PDP2: variants seen among roughly 807,000 people sequenced by gnomAD.
PDP2 encodes [Pyruvate dehydrogenase [acetyl-transferring]]-phosphatase 2, mitochondrial.
In PDP2, 23 loss-of-function variants were observed where a neutral mutation model predicts 34.2. The observed-to-expected ratio is 0.67, with a 90% confidence interval of 0.48 to 0.95. The LOEUF is 0.95. Among genes scored for constraint, PDP2 ranks in the 40% least tolerant of loss-of-function variants. PDP2 has a pLI of 0.00. For missense variants in PDP2, 571 were observed against 659.6 expected (o/e 0.87, Z 1.47); for synonymous variants, 275 against 269.2 (o/e 1.02, Z -0.21).
Position 66,885,973 on chromosome 16 carries a change from GGCAGATTTAATTT to G in PDP2, c.*102_*114del, listed in dbSNP as rs1418957237. Reference sequence around the variant, plus strand: ...TCCAAACCTTACTATTAAAAGCGCAGGCAGATTTAATTTGCTAAATAGACTAACAGGAGGAAAA... The same window carrying G: ...TCCAAACCTTACTATTAAAAGCGCAGGCTAAATAGACTAACAGGAGGAAAA... On this transcript the variant is annotated 3_prime_UTR_variant, in exon 2 of 2. Transcript: ENST00000311765. This position sits in a 1 kb window ranked among gnomAD's most constrained non-coding sequence, Gnocchi z 4.6. 1 of 1,268,590 alleles carries G rather than the reference GGCAGATTTAATTT, an allele frequency of 7.9e-7. No individual in the cohort carries two copies. The highest frequency in any genetic ancestry group is 1.5e-5 in the African/African-American group (1 of 66,868). 78.6% of individuals were successfully genotyped at this position (1,268,590 alleles called of 1,614,324 possible).
At position 66,890,594 on chromosome 16, in the gene PDP2, T is replaced by C. The variant is rs965869784; in HGVS notation, c.*4720T>C. On this transcript the variant is annotated 3_prime_UTR_variant, in exon 2 of 2. Coordinates refer to ENST00000311765, the MANE Select transcript of PDP2 (RefSeq NM_020786.4). ...TTAATTATACAGAACAAAACAAAGATGTGTTTAGAGTGACTCTGGCCTGAC... is the reference window on the plus strand; with the variant it reads ...TTAATTATACAGAACAAAACAAAGACGTGTTTAGAGTGACTCTGGCCTGAC... 1 of 152,192 alleles carries C rather than the reference T, an allele frequency of 6.6e-6. No homozygotes were observed. The highest frequency in any genetic ancestry group is 1.5e-5 in the Non-Finnish European group (1 of 68,038). The allele number at this position is 152,192 out of a possible 1,614,324, so 9.4% of individuals were successfully genotyped here. A position where few individuals can be genotyped will look rare whatever the true frequency, so the allele number is the denominator to read the frequency against.
In PDP2 at chr16:66,890,695, C is replaced by T. The variant is rs1297397188; in HGVS notation, c.*4821C>T. The T allele has an allele frequency of 6.6e-6, 1 of 152,242 alleles. No individual in the cohort carries two copies. The highest frequency in any genetic ancestry group is 2.4e-5 in the African/African-American group (1 of 41,466). 9.4% of individuals were successfully genotyped at this position (152,242 alleles called of 1,614,324 possible). A position where few individuals can be genotyped will look rare whatever the true frequency, so the allele number is the denominator to read the frequency against. On this transcript the variant is annotated 3_prime_UTR_variant, in exon 2 of 2. Coordinates refer to ENST00000311765, the MANE Select transcript of PDP2 (RefSeq NM_020786.4). ...ACTTCCCAGGTTAAACTAGAATATT[C>T]TGGAACTGAGCTGTCCAAATTTCAT...
rs199876227 is a variant in PDP2 at position 66,885,169 on chromosome 16, G to C, written c.885G>C (p.Glu295Asp). The stretch of plus-strand genomic sequence containing the variant: ...GCCGAGCCATCCTTGGTGTCCAAGA[G>C]GACAATGGCATGTGGTCTTGTCTGC... ...GDCRAILGVQ[E>D]DNGMWSCLPL... is the part of the protein sequence containing the mutation. The change falls in exon 2 of 2, where the codon GAG becomes GAC. Residue 295 changes from glutamate to aspartate, a missense_variant. By Grantham distance (45) the Glu-to-Asp change is conservative. This residue lies in a region of PDP2 where 281 missense variants were observed against 375.8 expected (regional missense o/e 0.75). Coordinates refer to ENST00000311765, the MANE Select transcript of PDP2 (RefSeq NM_020786.4). This position sits in a 1 kb window ranked among gnomAD's most constrained non-coding sequence, Gnocchi z 4.6. The C allele has an allele frequency of 1.7e-4, 272 of 1,614,000 alleles. No homozygotes were observed. The highest frequency in any genetic ancestry group is 1.7e-6 in the Non-Finnish European group (2 of 1,180,040).
In PDP2 at chr16:66,886,352, A is replaced by C. The variant is rs1961764524; in HGVS notation, c.*478A>C. 2 of 246,236 alleles carry C rather than the reference A, an allele frequency of 8.1e-6. No individual in the cohort carries two copies. Among genetic ancestry groups the C allele is most frequent in the Non-Finnish European group, 1.8e-5 (2 of 109,022 alleles). 15.3% of individuals were successfully genotyped at this position (246,236 alleles called of 1,614,324 possible). A position where few individuals can be genotyped will look rare whatever the true frequency, so the allele number is the denominator to read the frequency against. ...TGTTTGTCTTTTATTTAAATTACTA[A>C]GGTCTAGGTTTACAAAGCATACTAC... is the stretch of plus-strand genomic sequence containing the variant. On this transcript the variant is annotated 3_prime_UTR_variant, in exon 2 of 2. Coordinates refer to ENST00000311765, the MANE Select transcript of PDP2 (RefSeq NM_020786.4).
At position 66,885,332 on chromosome 16, in the gene PDP2, G is replaced by C. The variant is rs749459100; in HGVS notation, c.1048G>C (p.Asp350His). The change falls in exon 2 of 2, where the codon GAT (aspartate) becomes CAT (histidine). Residue 350 changes from aspartate to histidine, a missense_variant. Around this residue, in one of 2 missense-constraint regions of PDP2, gnomAD observed 281 missense variants for 375.8 expected, o/e 0.75. Coordinates refer to ENST00000311765, the MANE Select transcript of PDP2 (RefSeq NM_020786.4). This position sits in a 1 kb window ranked among gnomAD's most constrained non-coding sequence, Gnocchi z 4.6. ...CCTCATCCCCTGCAGGGCCTTTGGG[G>C]ATGTTCAGCTGAAGTGGAGTAAAGA... The part of the protein sequence containing the change: ...GVLIPCRAFG[D>H]VQLKWSKELQ... 14 of 1,614,142 alleles carry C rather than the reference G, an allele frequency of 8.7e-6. No individual in the cohort carries two copies. The South Asian group carries it at 1.5e-4, about 18-fold the overall frequency.
Position 66,885,953 on chromosome 16 carries a change from A to G in PDP2, c.*79A>G. ...ACTTACTCCTAAACTAGCTATCCAA[A>G]CCTTACTATTAAAAGCGCAGGCAGA... On this transcript the variant is annotated 3_prime_UTR_variant, in exon 2 of 2. Transcript: ENST00000311765. The surrounding 1 kb of genome is among the most constrained non-coding windows in gnomAD (Gnocchi z 4.6). The G allele has an allele frequency of 7.2e-7, 1 of 1,394,550 alleles. No homozygotes were observed. The highest frequency in any genetic ancestry group is 9.8e-7 in the Non-Finnish European group (1 of 1,021,462). The allele number at this position is 1,394,550 out of a possible 1,614,324, so 86.4% of individuals were successfully genotyped here.
Position 66,884,599 on chromosome 16 carries a change from A to AAACCGCT in PDP2, c.315_316insAACCGCT (p.Val106AsnfsTer7). 1.9e-6 allele frequency: 3 copies of AAACCGCT among 1,614,220 alleles called. No homozygotes were observed. Among genetic ancestry groups the AAACCGCT allele is most frequent in the Non-Finnish European group, 2.5e-6 (3 of 1,180,036 alleles). On this transcript the variant is annotated frameshift_variant, in exon 2 of 2. Coordinates refer to ENST00000311765, the MANE Select transcript of PDP2 (RefSeq NM_020786.4). LOFTEE classifies it high-confidence loss of function. ...ACCTTGAAAGCAGAGTCCCAAATTCAGTGTTGCGGTTTGAGAGCAACCAGC... is the reference window on the plus strand; with the variant it reads ...ACCTTGAAAGCAGAGTCCCAAATTCAAACCGCTGTGTTGCGGTTTGAGAGCAACCAGC...
rs891275359 is a variant in PDP2 at position 66,880,540 on chromosome 16, G to A, written c.-155G>A. The A allele has an allele frequency of 6.5e-6, 1 of 152,734 alleles. No individual in the cohort carries two copies. The highest frequency in any genetic ancestry group is 2.4e-5 in the African/African-American group (1 of 41,472). 9.5% of individuals were successfully genotyped at this position (152,734 alleles called of 1,614,324 possible). ...CTTCTGGAGCTGGGTCCTGACTAGGGACCGCCTGGGTGAGGTGAGGACCTG... is the reference window on the plus strand; with the variant it reads ...CTTCTGGAGCTGGGTCCTGACTAGGAACCGCCTGGGTGAGGTGAGGACCTG... On this transcript the variant is annotated 5_prime_UTR_variant, in exon 1 of 2. Coordinates refer to ENST00000311765, the MANE Select transcript of PDP2 (RefSeq NM_020786.4).
chr16:66,881,428 TTTTAATTTAATTTAA>T (rs57764227), intron 1 of PDP2, among the ~76,000 whole-genome samples: 10 of 119,190 alleles, frequency 8.4e-5, no homozygotes, highest in South Asian at 2.8e-4. Flanking sequence ...GTTTTTTTTT[TTTTAATTTAATTTAA>T]TTTAATTTAA....
At position 66,885,626 on chromosome 16, in the gene PDP2, T is replaced by A. The variant is rs779923940; in HGVS notation, c.1342T>A (p.Leu448Met). 1.2e-6 allele frequency: 2 copies of A among 1,613,918 alleles called. No individual in the cohort carries two copies. The highest frequency in any genetic ancestry group is 1.3e-5 in the African/African-American group (1 of 74,918). ...AGACCTGGCCCAGAGACCCGCCAAC[T>A]TGGGGCTCATGCAGAGCCTGCTGCT... ...KTDLAQRPAN[L>M]GLMQSLLLQR... is the part of the protein sequence containing the mutation. The change falls in exon 2 of 2, where the codon TTG (leucine) becomes ATG (methionine). Residue 448 changes from leucine to methionine, a missense_variant. Coordinates refer to ENST00000311765, the MANE Select transcript of PDP2 (RefSeq NM_020786.4). The surrounding 1 kb of genome is among the most constrained non-coding windows in gnomAD (Gnocchi z 4.6).
rs988190697 is a variant in PDP2, at chr16:66,888,542, C to T, written c.*2668C>T. 3 of 152,294 alleles carry T rather than the reference C, an allele frequency of 2.0e-5. No homozygotes were observed. The highest frequency in any genetic ancestry group is 4.8e-5 in the African/African-American group (2 of 41,550). The allele number at this position is 152,294 out of a possible 1,614,324, so 9.4% of individuals were successfully genotyped here. A position where few individuals can be genotyped will look rare whatever the true frequency, so the allele number is the denominator to read the frequency against. ...GGCATCATTATAACTCACTGTCAAA[C>T]TCCTGGACTCCAATGTTCCCTCCCC... On this transcript the variant is annotated 3_prime_UTR_variant, in exon 2 of 2. Transcript: ENST00000311765.
chr16:66,885,430 C>A lies in PDP2; in HGVS notation c.1146C>A (p.His382Gln), dbSNP rs1961715481. 6.2e-7 allele frequency: 1 copy of A among 1,613,736 alleles called. No homozygotes were observed. The highest frequency in any genetic ancestry group is 1.3e-5 in the African/African-American group (1 of 74,914). Residue 382 changes from histidine (H) to glutamine (Q), a missense_variant, in exon 2 of 2, where the codon CAC (histidine) becomes CAA (glutamine). Around this residue, in one of 2 missense-constraint regions of PDP2, gnomAD observed 281 missense variants for 375.8 expected, o/e 0.75. Transcript: ENST00000311765. This position sits in a 1 kb window ranked among gnomAD's most constrained non-coding sequence, Gnocchi z 4.6. ...ALNIYQFTPP[H>Q]YYTPPYLTAE... ...ACATTTACCAGTTCACACCCCCACA[C>A]TACTACACTCCACCCTACCTGACTG...
rs1961962492 is a variant in PDP2 at position 66,890,612 on chromosome 16, G to T, written c.*4738G>T. 1 of 152,174 alleles carries T rather than the reference G, an allele frequency of 6.6e-6. No individual in the cohort carries two copies. Among genetic ancestry groups the T allele is most frequent in the Non-Finnish European group, 1.5e-5 (1 of 68,042 alleles). The allele number at this position is 152,174 out of a possible 1,614,324, so 9.4% of individuals were successfully genotyped here. On this transcript the variant is annotated 3_prime_UTR_variant, in exon 2 of 2. Coordinates refer to ENST00000311765, the MANE Select transcript of PDP2 (RefSeq NM_020786.4). ...ACAAAGATGTGTTTAGAGTGACTCT[G>T]GCCTGACTCTTGTCCATCAGCCCCT...
Position 66,884,799 on chromosome 16 carries a change from A to T in PDP2, c.515A>T (p.His172Leu). Residue 172 changes from histidine (H) to leucine (L), a missense_variant, in exon 2 of 2, where the codon CAC (histidine) becomes CTC (leucine). This residue lies in a region of PDP2 where 290 missense variants were observed against 283.8 expected (regional missense o/e 1.02). Coordinates refer to ENST00000311765, the MANE Select transcript of PDP2 (RefSeq NM_020786.4). ...VSLMSHQTLEHMEGAMESMKP... is the reference protein window; with the variant it reads ...VSLMSHQTLELMEGAMESMKP... ...CTGATGTCCCACCAGACCCTGGAGC[A>T]CATGGAGGGAGCTATGGAAAGCATG... The T allele has an allele frequency of 6.2e-7, 1 of 1,614,154 alleles. No homozygotes were observed.
rs146799161 is a variant in PDP2, at chr16:66,885,658, G to A, written c.1374G>A (p.Arg458=). The A allele has an allele frequency of 3.7e-6, 6 of 1,613,930 alleles. No individual in the cohort carries two copies. The African/African-American group carries it at 4.0e-5, about 11-fold the overall frequency. Reference sequence around the variant, plus strand: ...TCATGCAGAGCCTGCTGCTGCAGAGGAAAGCCAGCGGGCTCCACGAGGCTG... The same window carrying A: ...TCATGCAGAGCCTGCTGCTGCAGAGAAAAGCCAGCGGGCTCCACGAGGCTG... ...LGLMQSLLLQ[R]KASGLHEADQ... is the part of the protein sequence containing the mutation. The change falls in exon 2 of 2, where the codon AGG becomes AGA. Residue 458 remains arginine (R), a synonymous_variant. Coordinates refer to ENST00000311765, the MANE Select transcript of PDP2 (RefSeq NM_020786.4). The surrounding 1 kb of genome is among the most constrained non-coding windows in gnomAD (Gnocchi z 4.6).
chr16:66,881,461 T>C (rs1961516104), intron 1 of PDP2, among the ~76,000 whole-genome samples: 1 of 151,172 alleles, frequency 6.6e-6, no homozygotes, highest in Non-Finnish European at 1.5e-5. Context: ...TAATTTAATT[T>C]AATTTATTAT....
rs941755770 is a variant in PDP2, at chr16:66,887,397, C to T, written c.*1523C>T. On this transcript the variant is annotated 3_prime_UTR_variant, in exon 2 of 2. Transcript: ENST00000311765. ...CTCTACTACGTCAGGCAGAATTCTT[C>T]AATTAAGTTGAACTACATTTGTTGA... is the stretch of plus-strand genomic sequence containing the variant. 1 of 167,004 alleles carries T rather than the reference C, an allele frequency of 6.0e-6. No homozygotes were observed. The highest frequency in any genetic ancestry group is 1.5e-5 in the Non-Finnish European group (1 of 68,104). 10.3% of individuals were successfully genotyped at this position (167,004 alleles called of 1,614,324 possible). A position where few individuals can be genotyped will look rare whatever the true frequency, so the allele number is the denominator to read the frequency against.
chr16:66,882,740 C>T (rs1961576363), intron 1 of PDP2, among the ~76,000 whole-genome samples: 1 of 152,224 alleles, frequency 6.6e-6, no homozygotes, highest in Admixed American at 6.5e-5. Flanking sequence ...GGGTACAGGG[C>T]CAGGCACTGG....
At position 66,884,736 on chromosome 16, in the gene PDP2, C is replaced by T. The variant is rs1478365066; in HGVS notation, c.452C>T (p.Ala151Val). The T allele has an allele frequency of 6.2e-7, 1 of 1,614,174 alleles. No individual in the cohort carries two copies. Among genetic ancestry groups the T allele is most frequent in the Non-Finnish European group, 8.5e-7 (1 of 1,180,034 alleles). Residue 151 changes from alanine to valine, a missense_variant, in exon 2 of 2, where the codon GCA (alanine) becomes GTA (valine). Physicochemically the swap from Ala to Val is moderately conservative, Grantham distance 64. Transcript: ENST00000311765. ...CATGGTGGTCATGCATGTGCCCAAG[C>T]AGTGAGCGAGAGGCTCTTCTACTAT... Reference protein sequence around the residue: ...DGHGGHACAQAVSERLFYYVA... With the variant: ...DGHGGHACAQVVSERLFYYVA...
Sources: allele counts gnomAD v4.1 joint callset (sites outside exome capture counted in the v4.1 genomes callset), GRCh38; gene constraint gnomAD v4.1.1; regional missense constraint gnomAD v4.1.1; non-coding constraint Gnocchi (gnomAD v3.1); transcripts MANE v1.5; gene names NCBI Gene and HGNC (gene_info 2026-07-23, HGNC 2026-07-21).